The following ZFP90 variants were observed in gnomAD, a reference collection of about 807,000 sequenced individuals.
The protein encoded by ZFP90 is zinc finger protein 90 homolog.
In ZFP90, 38 loss-of-function variants were observed where a neutral mutation model predicts 60.8. That is an observed-to-expected ratio of 0.62 (90% confidence interval 0.48 to 0.82). The LOEUF is 0.82. Among genes scored for constraint, ZFP90 ranks in the 40% least tolerant of loss-of-function variants. The probability of loss-of-function intolerance (pLI) is 0.00; values close to 1 mark genes in which losing one functional copy is unlikely to be tolerated. For synonymous variants in ZFP90, 287 were observed against 264.8 expected (o/e 1.08, Z -0.82); for missense variants, 711 against 759.1 (o/e 0.94, Z 0.74).
chr16:68,561,796 C>G (rs1174046670), intron 4 of ZFP90, among the ~76,000 whole-genome samples: 1 of 152,136 alleles, frequency 6.6e-6, no homozygotes, highest in Non-Finnish European at 1.5e-5. Flanking sequence ...AAGGCATTCT[C>G]TGTCCTCAGG....
intron 2 of ZFP90, among the ~76,000 whole-genome samples, chr16:68,572,837 G>A (rs934766495): frequency 7.9e-5 from 12 of 152,210 alleles, no homozygotes; most frequent in African/African-American, 2.7e-4. Flanking sequence ...GTAAAGGATC[G>A]AACAGAGAGG....
intron 1 of ZFP90, 69 bp from the exon 2 acceptor site, chr16:68,539,684 GGAGGT>G (rs1412143351): frequency 8.2e-7 from 1 of 1,216,018 alleles, no homozygotes; most frequent in Non-Finnish European, 1.1e-6. Context: ...GTTTAGGGGC[GGAGGT>G]GGGGCGGGGC....
At chr16:68,560,316 A>G (rs2091417473) in intron 4 of ZFP90, among the ~76,000 whole-genome samples, 1 of 152,158 alleles carries the variant, frequency 6.6e-6, no homozygotes, top group Non-Finnish European at 1.5e-5. Context: ...CCTGGTAACC[A>G]TTAATCTAAT....
At chr16:68,576,268 A>T (rs1308574687), downstream of ZFP90, among the ~76,000 whole-genome samples, 1 of 152,108 alleles carries the variant, frequency 6.6e-6, no homozygotes, top group Non-Finnish European at 1.5e-5. Context: ...TACTCACAAG[A>T]CTTATCTTTA....
intron 4 of ZFP90, among the ~76,000 whole-genome samples, chr16:68,560,537 T>TTGATTTTGTTTGTTTGTTTGTTTG (rs149308667): frequency 7.6e-4 from 112 of 147,228 alleles, no homozygotes; most frequent in African/African-American, 2.6e-3. Context: ...CCACACTGGA[T>TTGATTTTGTTTGTTTGTTTGTTTG]TTTATTTATT....
chr16:68,548,214 T>G (rs952767153), intron 2 of ZFP90, among the ~76,000 whole-genome samples: 6 of 152,188 alleles, frequency 3.9e-5, no homozygotes, highest in African/African-American at 1.4e-4. Flanking sequence ...GGTGTCATGC[T>G]TATCCTTAAT....
exon 3 of ZFP90, chr16:68,576,040 T>TAAA (rs34731750): frequency 5.1e-5 from 14 of 276,888 alleles, no homozygotes; most frequent in East Asian, 1.7e-4. Context: ...AACATTTATT[T>TAAA]AAAAAAAAAA....
chr16:68,539,149 C>G (rs912689160), upstream of ZFP90: 9 of 152,310 alleles, frequency 5.9e-5, no homozygotes, highest in Admixed American at 2.0e-4. Flanking sequence ...CTGGCCGCCT[C>G]CCTCGGCCCT....
intron 2 of ZFP90, among the ~76,000 whole-genome samples, chr16:68,574,420 T>C (rs760982194): frequency 5.3e-5 from 8 of 151,246 alleles, no homozygotes; most frequent in Non-Finnish European, 7.4e-5. Context: ...TGGGGAGTTA[T>C]ACTCCCAATA....
rs2152075635 is a variant in ZFP90, at chr16:68,564,956, T to G, written c.*258T>G. 1.6e-6 allele frequency: 2 copies of G among 1,214,516 alleles called. No individual in the cohort carries two copies. Among genetic ancestry groups the G allele is most frequent in the South Asian group, 3.0e-5 (1 of 33,510 alleles). The allele number at this position is 1,214,516 out of a possible 1,614,324, so 75.2% of individuals were successfully genotyped here. On this transcript the variant is annotated 3_prime_UTR_variant, in exon 5 of 5. Coordinates refer to ENST00000563169, the MANE Select transcript of ZFP90 (RefSeq NM_001305203.2). ...TATGCCTGTATGTTGGACTTTGCTT[T>G]TGAATATATGTATGCAGGATATCAT...
intron 2 of ZFP90, chr16:68,554,954 C>G (rs768801223): frequency 8.5e-5 from 13 of 152,164 alleles, no homozygotes; most frequent in Non-Finnish European, 1.9e-4. Flanking sequence ...CACCACTTAT[C>G]TCAAAATGGC....
chr16:68,549,693 A>G (rs2091222054), intron 2 of ZFP90, among the ~76,000 whole-genome samples: 1 of 151,210 alleles, frequency 6.6e-6, no homozygotes, highest in African/African-American at 2.4e-5. Context: ...AAAAAAAAAA[A>G]AAAAAGTCTT....
At chr16:68,535,956 T>G (rs184058455), upstream of ZFP90, among the ~76,000 whole-genome samples, 2 of 152,308 alleles carry the variant, frequency 1.3e-5, no homozygotes, top group Admixed American at 1.3e-4. Context: ...CCGGCTCTGC[T>G]TCAGCTTCCT....
At chr16:68,537,909 CTTTT>C (rs2090973977), upstream of ZFP90, among the ~76,000 whole-genome samples, 1 of 88,690 alleles carries the variant, frequency 1.1e-5, no homozygotes, top group Non-Finnish European at 2.4e-5. Context: ...AATTTTCTCC[CTTTT>C]TTGTTTTGTT....
At position 68,565,254 on chromosome 16, in the gene ZFP90, G is replaced by C; in HGVS notation, c.*556G>C. The C allele has an allele frequency of 3.0e-6, 3 of 985,190 alleles. No homozygotes were observed. The highest frequency in any genetic ancestry group is 3.6e-6 in the Non-Finnish European group (3 of 829,648). 61.0% of individuals were successfully genotyped at this position (985,190 alleles called of 1,614,324 possible). A position where few individuals can be genotyped will look rare whatever the true frequency, so the allele number is the denominator to read the frequency against. On this transcript the variant is annotated 3_prime_UTR_variant, in exon 5 of 5. Transcript: ENST00000563169. ...TCCACAGTATGATACAGCCTATAAG[G>C]GTAAAGCTGGGTTAAAAATGCAGGT... is the stretch of plus-strand genomic sequence containing the variant.
downstream of ZFP90, among the ~76,000 whole-genome samples, chr16:68,570,772 C>T (rs1655765351): frequency 6.6e-6 from 1 of 152,220 alleles, no homozygotes; most frequent in Non-Finnish European, 1.5e-5. Flanking sequence ...TAGTTGATCA[C>T]TTCCTCACAG....
intron 4 of ZFP90, among the ~76,000 whole-genome samples, chr16:68,561,095 G>A (rs774190715): frequency 6.6e-5 from 10 of 151,080 alleles, no homozygotes; most frequent in Non-Finnish European, 1.2e-4. Flanking sequence ...GGGTTTCACC[G>A]TGTTGCCCAG....
At chr16:68,553,589 C>T (rs915740541) in intron 2 of ZFP90, among the ~76,000 whole-genome samples, 1 of 152,082 alleles carries the variant, frequency 6.6e-6, no homozygotes, top group African/African-American at 2.4e-5. Context: ...GGCCTTGAAA[C>T]AGAGGTGACT....
In ZFP90 at chr16:68,554,124, TG is replaced by T. The variant is rs55917047; in HGVS notation, c.34-3873del. Among the ~76,000 whole-genome samples the T allele has an allele frequency of 4.4e-3, 260 of 58,700 alleles. 3 individuals carry two copies. The highest frequency in any genetic ancestry group is 0.018 in the East Asian group (39 of 2,224). 38.5% of individuals were successfully genotyped at this position (58,700 alleles called of 152,430 possible). Reference sequence around the variant, plus strand: ...AGGGTTTATGGGTTGTGTTTTGTTTTGTTTTTTTTTTTTTTGAGATGGAGTC... The same window carrying T: ...AGGGTTTATGGGTTGTGTTTTGTTTTTTTTTTTTTTTTTTGAGATGGAGTC... On this transcript the variant is annotated intron_variant, in intron 2 of 4. Coordinates refer to ENST00000563169, the MANE Select transcript of ZFP90 (RefSeq NM_001305203.2).
Sources: allele counts gnomAD v4.1 joint callset (sites outside exome capture counted in the v4.1 genomes callset), GRCh38; gene constraint gnomAD v4.1.1; transcripts MANE v1.5; gene names NCBI Gene and HGNC (gene_info 2026-07-23, HGNC 2026-07-21).